PTPRD: variants seen among roughly 807,000 people sequenced by gnomAD.
The protein encoded by PTPRD is protein tyrosine phosphatase receptor type D.
A neutral mutation model predicts 214.5 loss-of-function variants in PTPRD; 34 were observed. The observed-to-expected ratio is 0.16, with a 90% CI of 0.12 to 0.21. The LOEUF (loss-of-function observed/expected upper bound fraction) is 0.21. PTPRD is among the 10% of genes least tolerant of loss of function. The pLI is 1.00. For synonymous variants in PTPRD, 1,128 were observed against 845.7 expected (o/e 1.33, Z -5.79); for missense variants, 2,545 against 2,398.7 (o/e 1.06, Z -1.27).
chr9:9,402,966 G>GCAAAAAAAAAAAAAAAAAA (rs770003250), intron 8 of PTPRD, among the ~76,000 whole-genome samples: 1 of 78,610 alleles, frequency 1.3e-5, no homozygotes, highest in African/African-American at 5.1e-5. Context: ...CTAATAGGGA[G>GCAAAAAAAAAAAAAAAAAA]AAAAAAAAAA....
At chr9:8,591,715 A>G (rs1425066703) in intron 14 of PTPRD, among the ~76,000 whole-genome samples, 1 of 152,156 alleles carries the variant, frequency 6.6e-6, no homozygotes, top group Non-Finnish European at 1.5e-5. Flanking sequence ...CCATTCCATG[A>G]GCCTAGAGAG....
At chr9:9,914,368 G>C (rs539435633) in intron 5 of PTPRD, among the ~76,000 whole-genome samples, 2 of 152,296 alleles carry the variant, frequency 1.3e-5, no homozygotes, top group South Asian at 4.1e-4. Context: ...AAACAGCAAA[G>C]AGTATATGTC....
chr9:10,262,454 A>C (rs2154376667), intron 3 of PTPRD, among the ~76,000 whole-genome samples: 1 of 152,314 alleles, frequency 6.6e-6, no homozygotes, highest in South Asian at 2.1e-4. Flanking sequence ...GTTCAAAATC[A>C]CCTAAGAAAT....
At chr9:10,455,967 CTGTTT>C (rs1457124461) in intron 2 of PTPRD, among the ~76,000 whole-genome samples, 1 of 151,694 alleles carries the variant, frequency 6.6e-6, no homozygotes, top group Non-Finnish European at 1.5e-5. Flanking sequence ...TCTTCTATTT[CTGTTT>C]TAATTCTCAT....
rs548064866 is a variant in PTPRD at position 9,681,153 on chromosome 9, A to G, written c.-287+53380T>C. On this transcript the variant is annotated intron_variant, in intron 7 of 45. Transcript: ENST00000381196. ...TCAAAGCCAATTTCCATTCACTTGA[A>G]TCTGGGATACCTTCTTATAAATAAT... Among the ~76,000 whole-genome samples, 6 of 151,950 alleles carry G rather than the reference A, an allele frequency of 3.9e-5. No individual in the cohort carries two copies. The South Asian group carries it at 1.2e-3, about 31-fold the overall frequency.
chr9:9,655,029 A>G (rs992943483), intron 7 of PTPRD, among the ~76,000 whole-genome samples: 1 of 152,086 alleles, frequency 6.6e-6, no homozygotes, highest in African/African-American at 2.4e-5. Flanking sequence ...AGATATAGAT[A>G]TAGTCTACCT....
At chr9:10,508,393 C>G (rs1429992789) in intron 2 of PTPRD, among the ~76,000 whole-genome samples, 1 of 152,152 alleles carries the variant, frequency 6.6e-6, no homozygotes, top group Non-Finnish European at 1.5e-5. Context: ...TGCGGCGATT[C>G]CTCAGGGATC....
intron 5 of PTPRD, among the ~76,000 whole-genome samples, chr9:9,794,245 T>C (rs1177135009): frequency 1.3e-5 from 2 of 151,502 alleles, no homozygotes; most frequent in South Asian, 2.1e-4. Context: ...ATATATATGG[T>C]GTTCCAAAAA....
chr9:9,731,608 C>A (rs1343305678), intron 7 of PTPRD, among the ~76,000 whole-genome samples: 2 of 151,958 alleles, frequency 1.3e-5, no homozygotes, highest in Admixed American at 6.6e-5. Context: ...ATCCTTCCCC[C>A]CTCCCTACAC....
intron 11 of PTPRD, among the ~76,000 whole-genome samples, chr9:8,779,972 T>C (rs1435913928): frequency 6.6e-6 from 1 of 152,158 alleles, no homozygotes; most frequent in Non-Finnish European, 1.5e-5. Flanking sequence ...AACCATAATA[T>C]TCTTTACATC....
chr9:10,366,248 GA>G (rs1170798741), intron 2 of PTPRD, among the ~76,000 whole-genome samples: 1 of 152,100 alleles, frequency 6.6e-6, no homozygotes, highest in Admixed American at 6.6e-5. Context: ...TCTCTTTCTG[GA>G]AACCCAACTG....
At chr9:9,401,677 G>A (rs983326766) in intron 8 of PTPRD, among the ~76,000 whole-genome samples, 1 of 151,584 alleles carries the variant, frequency 6.6e-6, no homozygotes, top group Non-Finnish European at 1.5e-5. Flanking sequence ...GTACCCACCG[G>A]AATCGCATCT....
intron 9 of PTPRD, among the ~76,000 whole-genome samples, chr9:9,359,967 T>C (rs1374793223): frequency 1.3e-5 from 2 of 151,266 alleles, no homozygotes; most frequent in Non-Finnish European, 3.0e-5. Context: ...AAAACATTTT[T>C]ATATGTTTTT....
At chr9:9,017,858 C>T (rs985088644) in intron 11 of PTPRD, among the ~76,000 whole-genome samples, 5 of 152,012 alleles carry the variant, frequency 3.3e-5, no homozygotes, top group African/African-American at 1.2e-4. Flanking sequence ...CTTTCTTCTA[C>T]TTTTACCACT....
intron 11 of PTPRD, among the ~76,000 whole-genome samples, chr9:8,799,529 G>C (rs1482684228): frequency 1.3e-5 from 2 of 152,180 alleles, no homozygotes; most frequent in Admixed American, 6.5e-5. Context: ...GAGGAAGGAA[G>C]TGTTACCTTG....
At position 8,541,684 on chromosome 9, in the gene PTPRD, T is replaced by TTG. The variant is rs1002381982; in HGVS notation, c.353-12907_353-12906dup. 4.6e-5 allele frequency among the ~76,000 whole-genome samples: 7 copies of TTG among 152,082 alleles called. No individual in the cohort carries two copies. The East Asian group carries it at 7.7e-4, about 17-fold the overall frequency. ...GCCCAGCCTTTGTGTTTGTTTGTGT[T>TTG]TGTGTGTGTGTATGTCAATGTATGT... On this transcript the variant is annotated intron_variant, in intron 14 of 45. Transcript: ENST00000381196.
chr9:9,533,607 T>C (rs992261599), intron 8 of PTPRD, among the ~76,000 whole-genome samples: 1 of 152,114 alleles, frequency 6.6e-6, no homozygotes, highest in African/African-American at 2.4e-5. Context: ...GACCTTCAGA[T>C]TTTACAAAAA....
intron 8 of PTPRD, among the ~76,000 whole-genome samples, chr9:9,494,870 G>C (rs540802341): frequency 2.6e-5 from 4 of 152,232 alleles, no homozygotes; most frequent in South Asian, 2.1e-4. Flanking sequence ...ATCTTGAAAA[G>C]AAAGAAGAAA....
intron 8 of PTPRD, among the ~76,000 whole-genome samples, chr9:9,551,938 T>C (rs1203161669): frequency 1.3e-5 from 2 of 150,450 alleles, no homozygotes; most frequent in East Asian, 1.9e-4. Context: ...TTGGCTGACA[T>C]AGAAGTGAGA....
Sources: gnomAD v4.1 joint callset for allele counts (sites outside exome capture counted in the v4.1 genomes callset) on GRCh38, gnomAD v4.1.1 for gene constraint, MANE v1.5 for transcripts, NCBI Gene and HGNC (gene_info 2026-07-23, HGNC 2026-07-21) for gene names.